The following NOSTRIN variants were observed in gnomAD, a reference collection of about 807,000 sequenced individuals.
NOSTRIN encodes the protein nitric oxide synthase trafficking.
Under a neutral mutation model 59.0 loss-of-function variants are expected in NOSTRIN, and 63 were observed. That is an observed-to-expected ratio of 1.07 (90% CI 0.87 to 1.32). NOSTRIN has a LOEUF of 1.32. NOSTRIN is among the 40% of genes most tolerant of loss of function. The probability of loss-of-function intolerance (pLI) is 0.00; values close to 1 mark genes in which losing one functional copy is unlikely to be tolerated. For missense variants in NOSTRIN, 512 were observed against 473.1 expected, an observed-to-expected ratio of 1.08 and a Z score of -0.76; for synonymous variants, 200 against 165.4, an observed-to-expected ratio of 1.21 and a Z score of -1.61.
intron 2 of NOSTRIN, among the ~76,000 whole-genome samples, chr2:168,792,695 A>G (rs902905221): frequency 6.6e-6 from 1 of 152,026 alleles, no homozygotes; most frequent in Non-Finnish European, 1.5e-5. Flanking sequence ...TGCTCAGGCT[A>G]GTCTGAACTC....
chr2:168,849,670 C>CAA (rs10650489), intron 8 of NOSTRIN, among the ~76,000 whole-genome samples: 4,934 of 118,668 alleles, frequency 0.042, 311 homozygotes, highest in African/African-American at 0.12. Flanking sequence ...CTTGTTTTTA[C>CAA]AAAAAAAAAA....
chr2:168,857,653 G>A (rs908655144), intron 12 of NOSTRIN, among the ~76,000 whole-genome samples: 1 of 152,242 alleles, frequency 6.6e-6, no homozygotes, highest in African/African-American at 2.4e-5. Context: ...GCACCAGTGT[G>A]CAACATATGG....
chr2:168,820,109 A>G (rs1466467269), intron 2 of NOSTRIN, among the ~76,000 whole-genome samples: 1 of 152,178 alleles, frequency 6.6e-6, no homozygotes, highest in Non-Finnish European at 1.5e-5. Flanking sequence ...CACTTCTCCC[A>G]CAATTCTCCA....
chr2:168,820,651 A>G (rs1456214835), intron 2 of NOSTRIN, among the ~76,000 whole-genome samples: 1 of 148,594 alleles, frequency 6.7e-6, no homozygotes, highest in African/African-American at 2.5e-5. Flanking sequence ...GAACCTCTTT[A>G]GGCTGGTTTC....
At chr2:168,830,294 G>C (rs1432176471) in intron 5 of NOSTRIN, among the ~76,000 whole-genome samples, 3 of 152,084 alleles carry the variant, frequency 2.0e-5, no homozygotes, top group Admixed American at 1.3e-4. Flanking sequence ...CGAAATGCTT[G>C]TCCTGTTTTT....
chr2:168,812,808 G>A (rs540421787), intron 2 of NOSTRIN, among the ~76,000 whole-genome samples: 2 of 152,298 alleles, frequency 1.3e-5, no homozygotes, highest in African/African-American at 4.8e-5. Context: ...GGGGCAGAGT[G>A]TGTCCCTTTG....
chr2:168,850,101 TA>T (rs1310246646), intron 8 of NOSTRIN, among the ~76,000 whole-genome samples: 82 of 151,878 alleles, frequency 5.4e-4, no homozygotes, highest in African/African-American at 2.0e-3. Context: ...TTAGTAGAGA[TA>T]AGGTTTCACC....
intron 11 of NOSTRIN, 115 bp downstream of exon 11, chr2:168,855,575 G>T: frequency 2.0e-5 from 4 of 204,418 alleles, no homozygotes; most frequent in Admixed American, 1.2e-4. Flanking sequence ...CTCATTTAAA[G>T]AACCATATAT....
chr2:168,787,299 A>C (rs1454022524), intron 1 of NOSTRIN, among the ~76,000 whole-genome samples: 1 of 151,918 alleles, frequency 6.6e-6, no homozygotes, highest in African/African-American at 2.4e-5. Flanking sequence ...CTCCATCCTC[A>C]TCCCTCCCCA....
At chr2:168,788,892 A>AAAGAT (rs147324058) in intron 2 of NOSTRIN, among the ~76,000 whole-genome samples, 1 of 148,284 alleles carries the variant, frequency 6.7e-6, no homozygotes, top group East Asian at 2.0e-4. Context: ...CACAGATAAA[A>AAAGAT]AGATAGATAG....
intron 7 of NOSTRIN, among the ~76,000 whole-genome samples, chr2:168,838,739 T>G (rs1461291164): frequency 6.6e-6 from 1 of 152,038 alleles, no homozygotes; most frequent in African/African-American, 2.4e-5. Flanking sequence ...TCATTCCTTT[T>G]GAAAGCCTTC....
chr2:168,809,029 T>A (rs1358481081), intron 1 of NOSTRIN, among the ~76,000 whole-genome samples: 2 of 152,314 alleles, frequency 1.3e-5, no homozygotes, highest in East Asian at 3.9e-4. Flanking sequence ...CATAAAAGTG[T>A]TTCATAATTC....
chr2:168,804,493 A>C (rs528279236), intron 1 of NOSTRIN, among the ~76,000 whole-genome samples: 55 of 152,346 alleles, frequency 3.6e-4, no homozygotes, highest in Non-Finnish European at 7.1e-4. Flanking sequence ...CTTAGCTTGT[A>C]CTTGGGGAAC....
intron 7 of NOSTRIN, among the ~76,000 whole-genome samples, chr2:168,837,116 T>C (rs997224324): frequency 6.6e-6 from 1 of 151,982 alleles, no homozygotes; most frequent in Admixed American, 6.5e-5. Context: ...TTCATGAGGG[T>C]TCCACCCTCA....
chr2:168,851,710 C>T (rs13402190), intron 10 of NOSTRIN, among the ~76,000 whole-genome samples: 6,895 of 152,214 alleles, frequency 0.045, 493 homozygotes, highest in African/African-American at 0.15. Context: ...CTGTATATCA[C>T]GTGGTGCTTA....
At chr2:168,795,534 T>C (rs964403225), upstream of NOSTRIN, among the ~76,000 whole-genome samples, 1 of 152,260 alleles carries the variant, frequency 6.6e-6, no homozygotes, top group Admixed American at 6.5e-5. Flanking sequence ...ACTTGTTTTA[T>C]GCAAACTAAT....
rs533747619 is a variant in NOSTRIN at position 168,837,556 on chromosome 2, G to A, written c.504+3231G>A. Among the ~76,000 whole-genome samples, 10 of 152,030 alleles carry A rather than the reference G, an allele frequency of 6.6e-5. No individual in the cohort carries two copies. The South Asian group carries it at 8.3e-4, about 13-fold the overall frequency. On this transcript the variant is annotated intron_variant, in intron 7 of 15. Coordinates refer to ENST00000317647, the MANE Select transcript of NOSTRIN (RefSeq NM_001039724.4). ...GATCTCCTGACTTCGTGATCCGCCC[G>A]CCTCGGCCTCCCAAAGTGCTGGGAT...
At chr2:168,850,353 C>T (rs980462195) in intron 8 of NOSTRIN, among the ~76,000 whole-genome samples, 1 of 152,202 alleles carries the variant, frequency 6.6e-6, no homozygotes, top group African/African-American at 2.4e-5. Flanking sequence ...TACCTGCAAA[C>T]AGCGGACTCT....
At chr2:168,856,143 C>G (rs1001516313) in intron 11 of NOSTRIN, 10 of 220,310 alleles carry the variant, frequency 4.5e-5, no homozygotes, top group African/African-American at 2.1e-4. Flanking sequence ...AAAATCTCAT[C>G]TGGAAAAATA....
Sources: allele counts gnomAD v4.1 joint callset (sites outside exome capture counted in the v4.1 genomes callset), GRCh38; gene constraint gnomAD v4.1.1; transcripts MANE v1.5; gene names NCBI Gene and HGNC (gene_info 2026-07-23, HGNC 2026-07-21).